PLXNA4: variants seen among roughly 807,000 people sequenced by gnomAD.
PLXNA4 encodes the protein plexin-A4.
In PLXNA4, 44 loss-of-function variants were observed where a neutral mutation model predicts 191.8. The observed-to-expected ratio is 0.23, with a 90% CI of 0.18 to 0.29. The LOEUF (loss-of-function observed/expected upper bound fraction) is 0.29, where lower values mean the gene tolerates loss of function less well. Among genes scored for constraint, PLXNA4 ranks in the 10% least tolerant of loss-of-function variants. The probability of loss-of-function intolerance (pLI) is 1.00; values close to 1 mark genes in which losing one functional copy is unlikely to be tolerated. For synonymous variants in PLXNA4, 1,082 were observed against 1,009.5 expected, an observed-to-expected ratio of 1.07 and a Z score of -1.36; for missense variants, 1,800 against 2,488.8, an observed-to-expected ratio of 0.72 and a Z score of 5.89.
At position 132,576,065 on chromosome 7, in the gene PLXNA4, G is replaced by A. The variant is rs1190914202; in HGVS notation, c.-87+357C>T. 6.6e-6 allele frequency among the ~76,000 whole-genome samples: 1 copy of A among 152,208 alleles called. No homozygotes were observed. Among genetic ancestry groups the A allele is most frequent in the African/African-American group, 2.4e-5 (1 of 41,468 alleles). ...CAGCTAGGGACGAAAGGGGCTGGGA[G>A]CTGAAAAATTGCTCCCTCAACCTCC... On this transcript the variant is annotated intron_variant, in intron 1 of 31. Transcript: ENST00000321063. This position sits in a 1 kb window ranked among gnomAD's most constrained non-coding sequence, Gnocchi z 5.8.
chr7:132,459,978 A>G (rs156676), intron 3 of PLXNA4, among the ~76,000 whole-genome samples: 122,543 of 150,444 alleles, frequency 0.81, 52,465 homozygotes, highest in Non-Finnish European at 0.94. Flanking sequence ...ACATCAGCAT[A>G]TAATACCAGT....
chr7:132,455,255 T>C (rs156942), intron 3 of PLXNA4, among the ~76,000 whole-genome samples: 148,950 of 152,254 alleles, frequency 0.98, 72,936 homozygotes, highest in Middle Eastern at 1. Context: ...GGATGGAAAA[T>C]CATGGAGCTG....
In PLXNA4 at chr7:132,252,299, GTTTTTTTTTTTTTT is replaced by G. The variant is rs71178032; in HGVS notation, c.1504-11147_1504-11134del. Reference sequence around the variant, plus strand: ...TTGTTAAAATGACAGCATTCTAAAAGTTTTTTTTTTTTTTTTTTTTTTTTTTTTTTGAGATGGAG... The same window carrying G: ...TTGTTAAAATGACAGCATTCTAAAAGTTTTTTTTTTTTTTTTGAGATGGAG... On this transcript the variant is annotated intron_variant, in intron 4 of 31. Coordinates refer to ENST00000321063, the MANE Select transcript of PLXNA4 (RefSeq NM_020911.2). 4.1e-3 allele frequency among the ~76,000 whole-genome samples: 311 copies of G among 75,360 alleles called. 4 individuals are homozygous for G. The highest frequency in any genetic ancestry group is 0.015 in the African/African-American group (302 of 20,708). The allele number at this position is 75,360 out of a possible 152,430, so 49.4% of individuals were successfully genotyped here. A position where few individuals can be genotyped will look rare whatever the true frequency, so the allele number is the denominator to read the frequency against.
chr7:132,141,716 T>TCTTTC (rs1466529983), intron 29 of PLXNA4, among the ~76,000 whole-genome samples: 2 of 151,954 alleles, frequency 1.3e-5, no homozygotes, highest in Admixed American at 1.3e-4. Flanking sequence ...CTTGTGTAAG[T>TCTTTC]CTTTCCTTTC....
At chr7:132,595,397 T>C (rs1273338598) in intron 2 of PLXNA4, among the ~76,000 whole-genome samples, 2 of 152,166 alleles carry the variant, frequency 1.3e-5, no homozygotes, top group Non-Finnish European at 2.9e-5. Context: ...TCATGGAGAC[T>C]GGCTGCCTGA....
intron 3 of PLXNA4, among the ~76,000 whole-genome samples, chr7:132,324,485 G>A (rs990109397): frequency 9.2e-5 from 14 of 152,054 alleles, no homozygotes; most frequent in Non-Finnish European, 2.1e-4. Context: ...TTAATTTATC[G>A]TTACAGTTCC....
At chr7:132,144,778 C>T (rs1795369968) in intron 29 of PLXNA4, among the ~76,000 whole-genome samples, 1 of 152,214 alleles carries the variant, frequency 6.6e-6, no homozygotes, top group Non-Finnish European at 1.5e-5. Flanking sequence ...TAATCACAGG[C>T]ACCCAGGAGG....
intron 3 of PLXNA4, among the ~76,000 whole-genome samples, chr7:132,467,351 A>G (rs1001966642): frequency 4.6e-5 from 7 of 152,210 alleles, no homozygotes; most frequent in Non-Finnish European, 8.8e-5. Flanking sequence ...GCAAGAGCTC[A>G]GGGTTCCGCC....
chr7:132,645,089 G>A (rs1437215241), intron 2 of PLXNA4, among the ~76,000 whole-genome samples: 1 of 152,158 alleles, frequency 6.6e-6, no homozygotes, highest in Non-Finnish European at 1.5e-5. Context: ...TGGGCCACAG[G>A]GGCGAGCCAC....
At chr7:132,552,885 CA>C (rs200720374) in intron 1 of PLXNA4, among the ~76,000 whole-genome samples, 7,544 of 148,104 alleles carry the variant, frequency 0.051, 556 homozygotes, top group East Asian at 0.27. Context: ...AAAAGAAACT[CA>C]AAAAAAAAAA....
intron 26 of PLXNA4, 21 bp from the exon 27 acceptor site, chr7:132,148,020 A>G (rs1795487147): frequency 6.2e-7 from 1 of 1,613,990 alleles, no homozygotes; most frequent in African/African-American, 1.3e-5. Context: ...AAAGCTTCTC[A>G]GGGCCTAGGC....
At chr7:132,604,424 G>A (rs1802884202) in intron 2 of PLXNA4, among the ~76,000 whole-genome samples, 3 of 152,136 alleles carry the variant, frequency 2.0e-5, no homozygotes, top group African/African-American at 4.8e-5. Flanking sequence ...ATTCATCTCT[G>A]CCCCTGGGTT....
chr7:132,154,946 A>G (rs1348469149), intron 25 of PLXNA4, among the ~76,000 whole-genome samples: 1 of 152,258 alleles, frequency 6.6e-6, no homozygotes, highest in Non-Finnish European at 1.5e-5. Flanking sequence ...AAATCCCATT[A>G]TCTTTATCTG....
At chr7:132,360,247 G>A (rs925223107) in intron 3 of PLXNA4, among the ~76,000 whole-genome samples, 42 of 152,170 alleles carry the variant, frequency 2.8e-4, no homozygotes, top group African/African-American at 9.9e-4. Context: ...GGGTGGGAGA[G>A]ACCAAGAAGT....
chr7:132,624,775 C>A (rs1399281300), intron 2 of PLXNA4, among the ~76,000 whole-genome samples: 2 of 152,176 alleles, frequency 1.3e-5, no homozygotes, highest in Non-Finnish European at 2.9e-5. Flanking sequence ...CCTATTTAGG[C>A]TCCCCACCAC....
intron 9 of PLXNA4, among the ~76,000 whole-genome samples, chr7:132,211,751 G>T (rs1253034741): frequency 1.3e-5 from 2 of 152,208 alleles, no homozygotes; most frequent in South Asian, 2.1e-4. Context: ...TGGCCCCAAA[G>T]AAATGCCTCT....
At chr7:132,295,668 G>T (rs1243495765) in intron 4 of PLXNA4, among the ~76,000 whole-genome samples, 1 of 152,124 alleles carries the variant, frequency 6.6e-6, no homozygotes, top group Non-Finnish European at 1.5e-5. Flanking sequence ...CTGGATTTTT[G>T]CTCCCTGCCT....
At chr7:132,554,439 T>A (rs1800701622) in intron 1 of PLXNA4, among the ~76,000 whole-genome samples, 1 of 152,222 alleles carries the variant, frequency 6.6e-6, no homozygotes, top group African/African-American at 2.4e-5. Flanking sequence ...TTCCAGAGTC[T>A]CCAAGCTTTT....
intron 3 of PLXNA4, among the ~76,000 whole-genome samples, chr7:132,358,977 C>G (rs1803820572): frequency 6.6e-6 from 1 of 152,096 alleles, no homozygotes; most frequent in African/African-American, 2.4e-5. Context: ...GGCTTAAAAT[C>G]ATTTAGAAGA....
Sources: allele counts gnomAD v4.1 joint callset (sites outside exome capture counted in the v4.1 genomes callset), GRCh38; gene constraint gnomAD v4.1.1; non-coding constraint Gnocchi (gnomAD v3.1); transcripts MANE v1.5; gene names NCBI Gene and HGNC (gene_info 2026-07-23, HGNC 2026-07-21).